The following AKNA variants were observed in gnomAD, a reference collection of about 807,000 sequenced individuals.
AKNA encodes AT-hook transcription factor.
In AKNA, 67 loss-of-function variants were observed where a neutral mutation model predicts 138.8. The observed-to-expected ratio is 0.48, with a 90% CI of 0.40 to 0.59. AKNA has a LOEUF of 0.59. Ranked by LOEUF, AKNA falls within the 20% of genes least tolerant of loss-of-function variation. The probability of loss-of-function intolerance (pLI) is 0.00; values close to 1 mark genes in which losing one functional copy is unlikely to be tolerated. For synonymous variants in AKNA, 737 were observed against 754.4 expected (o/e 0.98, Z 0.38); for missense variants, 1,813 against 1,880.4 (o/e 0.96, Z 0.66).
chr9:114,352,920 C>CAA (rs111877355), intron 14 of AKNA, among the ~76,000 whole-genome samples: 6,996 of 134,618 alleles, frequency 0.052, 541 homozygotes, highest in African/African-American at 0.18. Context: ...GACTCCATCT[C>CAA]AAAAAAAAAA....
chr9:114,364,505 T>C lies in AKNA; in HGVS notation c.1788+55A>G, dbSNP rs893905395. On this transcript the variant is annotated intron_variant, in intron 7 of 21. Transcript: ENST00000374088. The stretch of plus-strand genomic sequence containing the variant: ...AAAGAAGGCTTCAGAGACAGAGTCA[T>C]GGGAGACAGTGGTTGTCTGGCAGTT... The C allele has an allele frequency of 4.6e-5, 72 of 1,572,408 alleles. No homozygotes were observed. In the African/African-American group the frequency reaches 7.4e-4, roughly 16 times the overall value.
At chr9:114,366,547 T>A (rs1832373757) in intron 6 of AKNA, among the ~76,000 whole-genome samples, 1 of 152,114 alleles carries the variant, frequency 6.6e-6, no homozygotes, top group Admixed American at 6.5e-5. Context: ...GTTCTAAAAC[T>A]GACTGTGGTG....
At position 114,336,122 on chromosome 9, in the gene AKNA, A is replaced by T. The variant is rs1319897437; in HGVS notation, c.*932T>A. The T allele has an allele frequency of 6.6e-6, 1 of 152,606 alleles. No individual in the cohort carries two copies. The highest frequency in any genetic ancestry group is 6.5e-5 in the Admixed American group (1 of 15,288). 9.5% of individuals were successfully genotyped at this position (152,606 alleles called of 1,614,324 possible). On this transcript the variant is annotated 3_prime_UTR_variant, in exon 22 of 22. Transcript: ENST00000374088. ...AAAGTTAATGACATACAGCAGAGAC[A>T]CGGATGGCTTTGGGTATTTTTTTTG...
chr9:114,355,316 C>A (rs568501811), intron 14 of AKNA, among the ~76,000 whole-genome samples: 1 of 152,216 alleles, frequency 6.6e-6, no homozygotes, highest in African/African-American at 2.4e-5. Flanking sequence ...GCTAGGATTA[C>A]AGGCACCTGC....
At chr9:114,363,333 C>G (rs1377128700) in intron 7 of AKNA, among the ~76,000 whole-genome samples, 1 of 152,244 alleles carries the variant, frequency 6.6e-6, no homozygotes, top group African/African-American at 2.4e-5. Flanking sequence ...CCATCCACAT[C>G]CCACTCAACT....
chr9:114,386,603 G>A (rs570864395), intron 1 of AKNA, among the ~76,000 whole-genome samples: 1 of 152,256 alleles, frequency 6.6e-6, no homozygotes, highest in South Asian at 2.1e-4. Context: ...GCCATCCCTG[G>A]AGAAACTGGC....
At chr9:114,396,223 G>A (rs1249854667), upstream of AKNA, among the ~76,000 whole-genome samples, 4 of 152,194 alleles carry the variant, frequency 2.6e-5, no homozygotes, top group African/African-American at 7.2e-5. Flanking sequence ...ACAGCGGCTA[G>A]AATGTCGCAC....
intron 6 of AKNA, among the ~76,000 whole-genome samples, chr9:114,367,129 A>G (rs1832421954): frequency 6.6e-6 from 1 of 152,160 alleles, no homozygotes; most frequent in South Asian, 2.1e-4. Context: ...GACCCTTGAG[A>G]AGTAACTAGG....
intron 1 of AKNA, among the ~76,000 whole-genome samples, chr9:114,385,218 C>T (rs1833945422): frequency 6.6e-6 from 1 of 152,176 alleles, no homozygotes; most frequent in South Asian, 2.1e-4. Flanking sequence ...GGCCTGTACC[C>T]TTCTTGGAAA....
At chr9:114,381,543 C>T in intron 1 of AKNA, 97 bp from the exon 2 acceptor site, 2 of 1,204,516 alleles carry the variant, frequency 1.7e-6, no homozygotes, top group South Asian at 3.3e-5. Context: ...GAATTAGCCC[C>T]AGTTCAACTC....
Position 114,387,894 on chromosome 9 carries a change from G to A in AKNA, c.-148C>T, listed in dbSNP as rs1343149406. On this transcript the variant is annotated 5_prime_UTR_variant, in exon 1 of 22. Coordinates refer to ENST00000374088, the MANE Select transcript of AKNA (RefSeq NM_001317950.2). ...GCTCCACCACCGTCCTGCCGACCCA[G>A]TTTCAGGGGACCTGCCTGTGAATTC... 7 of 455,106 alleles carry A rather than the reference G, an allele frequency of 1.5e-5. No individual in the cohort carries two copies. Among genetic ancestry groups the A allele is most frequent in the Non-Finnish European group, 2.2e-5 (5 of 226,212 alleles). The allele number at this position is 455,106 out of a possible 1,614,324, so 28.2% of individuals were successfully genotyped here.
Position 114,359,289 on chromosome 9 carries a change from G to C in AKNA, c.2492+305C>G, listed in dbSNP as rs555006131. ...TTGCCGTTTTGCTCAGGCTAGTCTT[G>C]AACTCCTGGACTCAAGTGATCCACC... On this transcript the variant is annotated intron_variant, in intron 11 of 21. Coordinates refer to ENST00000374088, the MANE Select transcript of AKNA (RefSeq NM_001317950.2). 6.7e-4 allele frequency: 309 copies of C among 460,500 alleles called. 4 individuals carry two copies. The South Asian group carries it at 7.5e-3, about 11-fold the overall frequency. 28.5% of individuals were successfully genotyped at this position (460,500 alleles called of 1,614,324 possible). A position where few individuals can be genotyped will look rare whatever the true frequency, so the allele number is the denominator to read the frequency against.
At chr9:114,357,045 C>T in intron 12 of AKNA, 76 bp from the exon 13 acceptor site, 1 of 1,325,724 alleles carries the variant, frequency 7.5e-7, no homozygotes, top group Non-Finnish European at 1.0e-6. Flanking sequence ...AAATCGTGGC[C>T]TGGCCTCACC....
At chr9:114,394,175 TA>T (rs35340604) in intron 1 of AKNA, among the ~76,000 whole-genome samples, 87 of 147,132 alleles carry the variant, frequency 5.9e-4, no homozygotes, top group East Asian at 9.9e-4. Context: ...CTGTCTCAAT[TA>T]AAAAAAAAAA....
At chr9:114,337,618 GT>G (rs1458814520) in intron 21 of AKNA, among the ~76,000 whole-genome samples, 3 of 152,064 alleles carry the variant, frequency 2.0e-5, no homozygotes, top group African/African-American at 7.2e-5. Context: ...AGGCTCTGGG[GT>G]TACAGTGGGA....
intron 1 of AKNA, among the ~76,000 whole-genome samples, chr9:114,386,826 C>A (rs1461688202): frequency 6.6e-6 from 1 of 152,090 alleles, no homozygotes; most frequent in Non-Finnish European, 1.5e-5. Flanking sequence ...CCCTTTATGG[C>A]TCAATCCCTC....
intron 13 of AKNA, 75 bp downstream of exon 13, chr9:114,356,788 C>T: frequency 7.9e-7 from 1 of 1,265,868 alleles, no homozygotes; most frequent in Non-Finnish European, 1.1e-6. Flanking sequence ...TATTCTGGGC[C>T]ATCACAGGCA....
chr9:114,348,973 G>A (rs762407036), intron 15 of AKNA: 3 of 456,148 alleles, frequency 6.6e-6, no homozygotes, highest in Non-Finnish European at 8.8e-6. Context: ...CAGAAGGAGT[G>A]GAGGCCTCTT....
chr9:114,359,908 C>T lies in AKNA; in HGVS notation c.2279G>A (p.Gly760Asp). The T allele has an allele frequency of 6.2e-7, 1 of 1,614,216 alleles. No individual in the cohort carries two copies. Among genetic ancestry groups the T allele is most frequent in the Non-Finnish European group, 8.5e-7 (1 of 1,180,020 alleles). ...KELQMEQVYH[G>D]LMERYLSVKS... is the part of the protein sequence containing the mutation. ...AGGTGGCACTCACCGCTCCATGAGGCCATGGTAAACTTGCTCCATCTGCAG... is the reference window on the plus strand; with the variant it reads ...AGGTGGCACTCACCGCTCCATGAGGTCATGGTAAACTTGCTCCATCTGCAG... Residue 760 changes from glycine to aspartate, a missense_variant, in exon 10 of 22, where the codon GGC (glycine) becomes GAC (aspartate). Physicochemically the swap from Gly to Asp is moderately conservative, Grantham distance 94. Transcript: ENST00000374088.
Sources: allele counts gnomAD v4.1 joint callset (sites outside exome capture counted in the v4.1 genomes callset), GRCh38; gene constraint gnomAD v4.1.1; transcripts MANE v1.5; gene names NCBI Gene and HGNC (gene_info 2026-07-23, HGNC 2026-07-21).